Variants in ANKRD12 observed in about 807,000 individuals in gnomAD.
ANKRD12 encodes the protein ankyrin repeat domain 12.
In ANKRD12, 85 loss-of-function variants were observed where a neutral mutation model predicts 183.4. That is an observed-to-expected ratio of 0.46 (90% CI 0.39 to 0.56). ANKRD12 has a LOEUF of 0.56. Ranked by LOEUF, ANKRD12 falls within the 20% of genes least tolerant of loss-of-function variation. The pLI, the probability that ANKRD12 is intolerant of heterozygous loss-of-function variation, is 0.00. For synonymous variants in ANKRD12, 914 were observed against 800.2 expected (o/e 1.14, Z -2.40); for missense variants, 2,405 against 2,357.1 (o/e 1.02, Z -0.42).
chr18:9,278,514 A>G (rs940385096), intron 11 of ANKRD12, among the ~76,000 whole-genome samples: 3 of 152,190 alleles, frequency 2.0e-5, no homozygotes, highest in African/African-American at 7.2e-5. Flanking sequence ...AAATGTGAGT[A>G]GTGGCCAGGC....
intron 3 of ANKRD12, among the ~76,000 whole-genome samples, chr18:9,197,160 TTTCTTTTATTTAGAA>T (rs1196721116): frequency 6.6e-6 from 1 of 152,196 alleles, no homozygotes; most frequent in African/African-American, 2.4e-5. Context: ...ATGGATTATT[TTTCTTTTATTTAGAA>T]TAAAATTAAG....
Position 9,258,569 on chromosome 18 carries a change from A to G in ANKRD12, c.5302A>G (p.Arg1768Gly), listed in dbSNP as rs1246724491. 2 of 1,613,768 alleles carry G rather than the reference A, an allele frequency of 1.2e-6. No individual in the cohort carries two copies. Among genetic ancestry groups the G allele is most frequent in the Admixed American group, 1.7e-5 (1 of 59,888 alleles). Residue 1768 changes from arginine (R) to glycine (G), a missense_variant, in exon 9 of 13, where the codon AGA becomes GGA. Coordinates refer to ENST00000262126, the MANE Select transcript of ANKRD12 (RefSeq NM_015208.5). ...SEKDSESSSPRGRIRLTEDDD... is the reference protein window; with the variant it reads ...SEKDSESSSPGGRIRLTEDDD... ...AAAAGACAGTGAATCCTCATCTCCT[A>G]GAGGAAGAATAAGATTAACTGAAGA...
intron 3 of ANKRD12, among the ~76,000 whole-genome samples, chr18:9,200,033 A>G (rs996729509): frequency 2.6e-5 from 4 of 152,218 alleles, no homozygotes; most frequent in African/African-American, 9.6e-5. Flanking sequence ...TGTCCAAGGA[A>G]AGCCTACTGG....
chr18:9,228,472 G>A (rs573314154), intron 8 of ANKRD12, among the ~76,000 whole-genome samples: 1 of 152,056 alleles, frequency 6.6e-6, no homozygotes, highest in Admixed American at 6.5e-5. Flanking sequence ...CCACACCCTC[G>A]CCAGTAACTG....
At chr18:9,227,527 T>G (rs1598619774) in intron 8 of ANKRD12, among the ~76,000 whole-genome samples, 2 of 152,126 alleles carry the variant, frequency 1.3e-5, no homozygotes, top group South Asian at 2.1e-4. Flanking sequence ...TAATATAAGA[T>G]CTTACCGAAA....
At chr18:9,175,386 G>A (rs983760019) in intron 1 of ANKRD12, among the ~76,000 whole-genome samples, 16 of 151,994 alleles carry the variant, frequency 1.1e-4, no homozygotes, top group Admixed American at 7.9e-4. Flanking sequence ...TAAATAGTCT[G>A]AGTTGTCTTT....
Position 9,182,439 on chromosome 18 carries a change from A to C in ANKRD12, c.7A>C (p.Lys3Gln). 1 of 1,610,600 alleles carries C rather than the reference A, an allele frequency of 6.2e-7. No individual in the cohort carries two copies. The highest frequency in any genetic ancestry group is 8.5e-7 in the Non-Finnish European group (1 of 1,178,232). Residue 3 changes from lysine to glutamine, a missense_variant, in exon 2 of 13, where the codon AAA becomes CAA. Physicochemically the swap from Lys to Gln is moderately conservative, Grantham distance 53. Around this residue, in one of 7 missense-constraint regions of ANKRD12, gnomAD observed 145 missense variants for 145.6 expected, o/e 1.00. Transcript: ENST00000262126. MP[K>Q]SGFTKPIQSE... ...CTAGCTGAACAGCTGTAAAATGCCC[A>C]AATCTGGGTTCACAAAACCAATTCA...
chr18:9,177,740 C>T (rs537993481), intron 1 of ANKRD12, among the ~76,000 whole-genome samples: 2 of 152,306 alleles, frequency 1.3e-5, no homozygotes, highest in African/African-American at 2.4e-5. Flanking sequence ...ACCCTCCACA[C>T]GTACCCTTCC....
intron 2 of ANKRD12, among the ~76,000 whole-genome samples, chr18:9,184,640 G>T (rs928078748): frequency 2.0e-5 from 3 of 151,938 alleles, no homozygotes; most frequent in African/African-American, 7.3e-5. Flanking sequence ...CAAAGTGCTG[G>T]GATTACAAGT....
chr18:9,194,311 C>G (rs1231414623), intron 2 of ANKRD12, among the ~76,000 whole-genome samples: 1 of 150,156 alleles, frequency 6.7e-6, no homozygotes. Context: ...CATTTGAGAA[C>G]TACTGATATA....
In ANKRD12 at chr18:9,225,211, GC is replaced by G. The variant is rs2036638441; in HGVS notation, c.943+3214del. ...AATTTGGCCAGGCACAGTGACTTAT[GC>G]CTGTAATCCCAGCACTTTTGGGAAG... On this transcript the variant is annotated intron_variant, in intron 8 of 12. Coordinates refer to ENST00000262126, the MANE Select transcript of ANKRD12 (RefSeq NM_015208.5). 3.7e-5 allele frequency among the ~76,000 whole-genome samples: 2 copies of G among 54,614 alleles called. 1 individual carries two copies. Among genetic ancestry groups the G allele is most frequent in the Admixed American group, 5.1e-4 (2 of 3,934 alleles). The allele number at this position is 54,614 out of a possible 152,430, so 35.8% of individuals were successfully genotyped here.
At chr18:9,242,463 C>CA (rs5823047) in intron 8 of ANKRD12, among the ~76,000 whole-genome samples, 64,899 of 150,594 alleles carry the variant, frequency 0.43, 14,604 homozygotes, top group South Asian at 0.71. Flanking sequence ...TATATGCATA[C>CA]AAAAAAAAAT....
chr18:9,236,237 T>A (rs1439526615), intron 8 of ANKRD12, among the ~76,000 whole-genome samples: 1 of 152,026 alleles, frequency 6.6e-6, no homozygotes, highest in South Asian at 2.1e-4. Context: ...ATAGAAAAAA[T>A]TGTGAAGGTG....
chr18:9,195,547 ATAGAG>A lies in ANKRD12; in HGVS notation c.88-1_91del, dbSNP rs1379976181. On this transcript the variant is annotated splice_acceptor_variant and splice_polypyrimidine_tract_variant and coding_sequence_variant and intron_variant, in exon 3 of 13. Coordinates refer to ENST00000262126, the MANE Select transcript of ANKRD12 (RefSeq NM_015208.5). LOFTEE classifies it high-confidence loss of function. Reference sequence around the variant, plus strand: ...TAACTTTACTCTATTTGACTTTTTAATAGAGTAAAGACAAGATTGCATCCTACAGC... The same window carrying A: ...TAACTTTACTCTATTTGACTTTTTAATAAAGACAAGATTGCATCCTACAGC... The A allele has an allele frequency of 5.7e-6, 9 of 1,590,204 alleles. No homozygotes were observed. The highest frequency in any genetic ancestry group is 1.4e-5 in the African/African-American group (1 of 73,874).
At position 9,257,329 on chromosome 18, in the gene ANKRD12, G is replaced by T. The variant is rs146700082; in HGVS notation, c.4062G>T (p.Val1354=). 6.2e-7 allele frequency: 1 copy of T among 1,614,108 alleles called. No individual in the cohort carries two copies. The highest frequency in any genetic ancestry group is 8.5e-7 in the Non-Finnish European group (1 of 1,179,992). Residue 1354 remains valine, a synonymous_variant, in exon 9 of 13, where the codon GTG becomes GTT. Transcript: ENST00000262126. The stretch of plus-strand genomic sequence containing the variant: ...CCAAACCTGAGGTATTCTCAAATGT[G>T]CCTGAAAGAGACCTTTCAAATGTAT... ...PSPKPEVFSN[V]PERDLSNVSN...
chr18:9,208,785 G>A lies in ANKRD12; in HGVS notation c.433G>A (p.Ala145Thr). ...KQMALLMQMT[A>T]RDNSPDSTPN... ...GATGGCACTTCTTATGCAGATGACA[G>A]CAAGAGACAACAGTCCAGGTGATAC... Residue 145 changes from alanine (A) to threonine (T), a missense_variant, in exon 5 of 13, where the codon GCA becomes ACA. This residue lies in a region of ANKRD12 where 35 missense variants were observed against 37.5 expected (regional missense o/e 0.93). Transcript: ENST00000262126. 2 of 1,601,432 alleles carry A rather than the reference G, an allele frequency of 1.2e-6. No individual in the cohort carries two copies. The highest frequency in any genetic ancestry group is 1.1e-5 in the South Asian group (1 of 87,948).
intron 3 of ANKRD12, among the ~76,000 whole-genome samples, chr18:9,202,620 C>T (rs982514249): frequency 6.6e-5 from 10 of 152,166 alleles, no homozygotes; most frequent in Non-Finnish European, 1.0e-4. Context: ...ATACAAGTGT[C>T]ACTTGTTTTG....
At position 9,224,320 on chromosome 18, in the gene ANKRD12, G is replaced by A. The variant is rs2036590581; in HGVS notation, c.943+2321G>A. Among the ~76,000 whole-genome samples the A allele has an allele frequency of 3.3e-5, 5 of 152,116 alleles. No homozygotes were observed. In the South Asian group the frequency reaches 1.0e-3, roughly 31 times the overall value. ...GAGGGATATGAAAGGAGAAAGATTG[G>A]AAGACAGAGAGAGGGGTAGGTGCAG... On this transcript the variant is annotated intron_variant, in intron 8 of 12. Coordinates refer to ENST00000262126, the MANE Select transcript of ANKRD12 (RefSeq NM_015208.5).
intron 11 of ANKRD12, among the ~76,000 whole-genome samples, chr18:9,278,538 C>T (rs928283221): frequency 6.6e-5 from 10 of 152,192 alleles, no homozygotes; most frequent in Non-Finnish European, 1.3e-4. Flanking sequence ...GTGGCTTACG[C>T]CTGTATTCCC....
Sources: gnomAD v4.1 joint callset for allele counts (sites outside exome capture counted in the v4.1 genomes callset) on GRCh38, gnomAD v4.1.1 for gene constraint, gnomAD v4.1.1 regional missense constraint, MANE v1.5 for transcripts, NCBI Gene and HGNC (gene_info 2026-07-23, HGNC 2026-07-21) for gene names.